The following GRM7 variants were observed in gnomAD, a reference collection of about 807,000 sequenced individuals.
GRM7 encodes metabotropic glutamate receptor 7.
In GRM7, 35 loss-of-function variants were observed where a neutral mutation model predicts 84.5. That is an observed-to-expected ratio of 0.41 (90% confidence interval 0.32 to 0.55). GRM7 has a LOEUF of 0.55. GRM7 is among the 20% of genes least tolerant of loss of function. The pLI is 0.19. For synonymous variants in GRM7, 487 were observed against 455.1 expected, an observed-to-expected ratio of 1.07 and a Z score of -0.89; for missense variants, 1,003 against 1,194.6, an observed-to-expected ratio of 0.84 and a Z score of 2.36.
At chr3:6,874,397 G>A (rs892216310) in intron 1 of GRM7, among the ~76,000 whole-genome samples, 11 of 152,188 alleles carry the variant, frequency 7.2e-5, no homozygotes, top group Non-Finnish European at 1.3e-4. Flanking sequence ...CCCAGTCAGA[G>A]CCAGCTCCGG....
At chr3:7,426,879 A>T (rs1478173665) in intron 5 of GRM7, among the ~76,000 whole-genome samples, 1 of 152,162 alleles carries the variant, frequency 6.6e-6, no homozygotes, top group Non-Finnish European at 1.5e-5. Context: ...CAGGCTTAAA[A>T]CCAAAAATCT....
chr3:7,492,846 G>A (rs1286818291), intron 7 of GRM7, among the ~76,000 whole-genome samples: 1 of 151,826 alleles, frequency 6.6e-6, no homozygotes, highest in African/African-American at 2.4e-5. Flanking sequence ...TCTCAGCTGG[G>A]CTTTAGCTGC....
chr3:7,519,015 A>T (rs1231323032), intron 7 of GRM7, among the ~76,000 whole-genome samples: 1 of 152,198 alleles, frequency 6.6e-6, no homozygotes, highest in African/African-American at 2.4e-5. Flanking sequence ...TGTGACAATG[A>T]GGCATTATTC....
At chr3:7,639,009 G>C (rs1698238084) in intron 8 of GRM7, among the ~76,000 whole-genome samples, 1 of 152,128 alleles carries the variant, frequency 6.6e-6, no homozygotes, top group Non-Finnish European at 1.5e-5. Flanking sequence ...CCCTCTCATA[G>C]ACCTGTTATT....
intron 6 of GRM7, among the ~76,000 whole-genome samples, chr3:7,457,629 A>C (rs549512355): frequency 2.0e-5 from 3 of 152,330 alleles, no homozygotes; most frequent in Admixed American, 6.5e-5. Context: ...GCTTTCCTTC[A>C]TCAAGAGGTG....
intron 4 of GRM7, among the ~76,000 whole-genome samples, chr3:7,324,644 G>A (rs996546441): frequency 2.5e-4 from 38 of 152,066 alleles, no homozygotes; most frequent in Admixed American, 2.1e-3. Flanking sequence ...TTGTTTGTTG[G>A]TTTGTTTTAC....
intron 2 of GRM7, among the ~76,000 whole-genome samples, chr3:7,278,709 A>G (rs1023549162): frequency 5.3e-5 from 8 of 152,198 alleles, no homozygotes; most frequent in Non-Finnish European, 7.4e-5. Context: ...GCATATGAGC[A>G]AGTTCAGAAA....
At chr3:7,651,808 G>A (rs975416500) in intron 8 of GRM7, among the ~76,000 whole-genome samples, 15 of 152,242 alleles carry the variant, frequency 9.9e-5, no homozygotes, top group Admixed American at 5.2e-4. Context: ...GATGTGGTCC[G>A]AAGTCCATAG....
chr3:6,968,078 A>G (rs894370748), intron 1 of GRM7, among the ~76,000 whole-genome samples: 9 of 152,218 alleles, frequency 5.9e-5, no homozygotes, highest in African/African-American at 2.2e-4. Flanking sequence ...GAACAAAAAC[A>G]AATGTATTGT....
intron 1 of GRM7, among the ~76,000 whole-genome samples, chr3:7,052,863 A>G (rs960192781): frequency 5.9e-5 from 9 of 151,322 alleles, no homozygotes; most frequent in Non-Finnish European, 1.2e-4. Flanking sequence ...ACTTATGAAC[A>G]AGGCTTTCAG....
intron 8 of GRM7, among the ~76,000 whole-genome samples, chr3:7,625,118 A>C (rs1477765785): frequency 1.3e-5 from 2 of 152,186 alleles, no homozygotes; most frequent in Admixed American, 1.3e-4. Flanking sequence ...ATGACTGCTT[A>C]GCTGTGTATC....
At chr3:6,892,892 T>A (rs926117478) in intron 1 of GRM7, 2 of 152,010 alleles carry the variant, frequency 1.3e-5, no homozygotes, top group African/African-American at 4.8e-5. Context: ...CGAACTCAAA[T>A]AGAAAGATAC....
At chr3:7,052,685 C>T (rs1189980866) in intron 1 of GRM7, among the ~76,000 whole-genome samples, 2 of 129,138 alleles carry the variant, frequency 1.5e-5, no homozygotes, top group African/African-American at 6.4e-5. Flanking sequence ...GTTTATTGCT[C>T]TTGATATGTA....
intron 8 of GRM7, among the ~76,000 whole-genome samples, chr3:7,609,559 A>AGGCACAGGT (rs1307631121): frequency 6.6e-6 from 1 of 151,700 alleles, no homozygotes; most frequent in Non-Finnish European, 1.5e-5. Flanking sequence ...AAAACAGAGC[A>AGGCACAGGT]GGCACAGGTA....
At chr3:7,163,399 T>G (rs1694697746) in intron 2 of GRM7, among the ~76,000 whole-genome samples, 2 of 152,214 alleles carry the variant, frequency 1.3e-5, no homozygotes, top group Non-Finnish European at 2.9e-5. Flanking sequence ...CAGAAGCGCT[T>G]TCTCTTGAAG....
chr3:7,460,944 A>G (rs972201740), intron 6 of GRM7, among the ~76,000 whole-genome samples: 1 of 152,234 alleles, frequency 6.6e-6, no homozygotes, highest in East Asian at 1.9e-4. Context: ...GTGTCTTAAG[A>G]TAGACATTTT....
chr3:7,490,550 T>C (rs2124949575), intron 7 of GRM7, among the ~76,000 whole-genome samples: 1 of 152,272 alleles, frequency 6.6e-6, no homozygotes, highest in African/African-American at 2.4e-5. Flanking sequence ...ATATCACTTG[T>C]TGTAGCATAT....
chr3:7,728,990 C>T (rs573859903), intron 9 of GRM7, among the ~76,000 whole-genome samples: 1 of 151,568 alleles, frequency 6.6e-6, no homozygotes, highest in East Asian at 1.9e-4. Context: ...AAGTAAGAAA[C>T]AAGTCATCCT....
intron 5 of GRM7, among the ~76,000 whole-genome samples, chr3:7,417,291 C>T (rs1001761983): frequency 3.9e-5 from 6 of 151,970 alleles, no homozygotes; most frequent in Non-Finnish European, 8.8e-5. Context: ...TGAGCTGTAC[C>T]ATATGGAATG....
Sources: gnomAD v4.1 joint callset for allele counts (sites outside exome capture counted in the v4.1 genomes callset) on GRCh38, gnomAD v4.1.1 for gene constraint, MANE v1.5 for transcripts, NCBI Gene and HGNC (gene_info 2026-07-23, HGNC 2026-07-21) for gene names.